The following KAZN variants were observed in gnomAD, a reference collection of about 807,000 sequenced individuals.
KAZN encodes kazrin.
KAZN carries 40 observed loss-of-function variants against 87.4 expected under a neutral mutation model. The ratio of observed to expected loss-of-function variants is 0.46; its 90% confidence interval spans 0.36 to 0.60. The LOEUF (loss-of-function observed/expected upper bound fraction) is 0.60, where lower values mean the gene tolerates loss of function less well. Among genes scored for constraint, KAZN ranks in the 20% least tolerant of loss-of-function variants. KAZN has a pLI of 0.00. For missense variants in KAZN, 898 were observed against 1,073.9 expected, an observed-to-expected ratio of 0.84 and a Z score of 2.29; for synonymous variants, 466 against 458.3, an observed-to-expected ratio of 1.02 and a Z score of -0.22.
At chr1:14,695,510 C>CTTTTTTTTTCTTTTTTTTTTTTTTTTTTT (rs1641545792) in intron 1 of KAZN, among the ~76,000 whole-genome samples, 1 of 85,048 alleles carries the variant, frequency 1.2e-5, no homozygotes, top group Non-Finnish European at 2.7e-5. Flanking sequence ...TACATTCCAT[C>CTTTTTTTTTCTTTTTTTTTTTTTTTTTTT]TTTTTTTTTT....
intron 1 of KAZN, among the ~76,000 whole-genome samples, chr1:14,739,660 T>A (rs1029123949): frequency 1.3e-5 from 2 of 151,428 alleles, no homozygotes; most frequent in Non-Finnish European, 3.0e-5. Flanking sequence ...CACCACCAAC[T>A]TCCCCTTTTT....
Position 15,067,097 on chromosome 1 carries a change from C to T in KAZN, c.1222+1344C>T, listed in dbSNP as rs10803344. ...GAGGGGCCTCCAGCAGCTTCTGTTC[C>T]TCCCTGCAGCTGTGTCTTTCTTGTC... On this transcript the variant is annotated intron_variant, in intron 8 of 14. Transcript: ENST00000376030. The T allele has an allele frequency of 0.02, 19,674 of 985,620 alleles. 2,808 individuals carry two copies. In the African/African-American group the frequency reaches 0.31, roughly 16 times the overall value. The allele number at this position is 985,620 out of a possible 1,614,324, so 61.1% of individuals were successfully genotyped here. A position where few individuals can be genotyped will look rare whatever the true frequency, so the allele number is the denominator to read the frequency against.
chr1:15,046,646 CCAGGCCCCAGGACAGGCCGGGG>C (rs1673577871), intron 4 of KAZN, among the ~76,000 whole-genome samples: 2 of 152,146 alleles, frequency 1.3e-5, no homozygotes, highest in African/African-American at 2.4e-5. Context: ...TTACTAAGGG[CCAGGCCCCAGGACAGGCCGGGG>C]CAGGATCCGT....
intron 2 of KAZN, among the ~76,000 whole-genome samples, chr1:14,444,008 G>C (rs570354005): frequency 7.9e-5 from 12 of 152,124 alleles, no homozygotes; most frequent in Admixed American, 3.3e-4. Context: ...TATAAAACAA[G>C]GAATCTGGCC....
chr1:14,451,129 T>C (rs1361562947), intron 2 of KAZN, among the ~76,000 whole-genome samples: 2 of 152,178 alleles, frequency 1.3e-5, no homozygotes, highest in African/African-American at 4.8e-5. Context: ...CTATACAGCA[T>C]GCAGAACCAC....
At chr1:14,968,360 C>T (rs559953599) in intron 2 of KAZN, among the ~76,000 whole-genome samples, 1 of 152,300 alleles carries the variant, frequency 6.6e-6, no homozygotes, top group South Asian at 2.1e-4. Context: ...GCTGTAAATA[C>T]AGATGAAACT....
At chr1:14,692,310 T>C (rs1572238167) in intron 1 of KAZN, 1 of 516,322 alleles carries the variant, frequency 1.9e-6, no homozygotes, top group African/African-American at 2.0e-5. Flanking sequence ...TTTAATGGCA[T>C]AATTTTCACC....
At chr1:14,812,399 G>A (rs1382943355) in intron 1 of KAZN, among the ~76,000 whole-genome samples, 9 of 152,272 alleles carry the variant, frequency 5.9e-5, no homozygotes, top group East Asian at 1.9e-4. Context: ...TCTTCAACTC[G>A]TCTTCAGTGG....
intron 2 of KAZN, among the ~76,000 whole-genome samples, chr1:14,314,008 G>C (rs913276677): frequency 6.6e-6 from 1 of 152,088 alleles, no homozygotes; most frequent in Non-Finnish European, 1.5e-5. Flanking sequence ...CTGGTAAGTG[G>C]GTGGCTGGGA....
chr1:13,948,638 A>G (rs74900133), intron 1 of KAZN, among the ~76,000 whole-genome samples: 15,882 of 152,116 alleles, frequency 0.1, 904 homozygotes, highest in Middle Eastern at 0.14. Flanking sequence ...TTTGAGATCC[A>G]GTGTTGGCTT....
chr1:14,081,809 G>A (rs2101591940), intron 1 of KAZN, among the ~76,000 whole-genome samples: 1 of 152,286 alleles, frequency 6.6e-6, no homozygotes, highest in East Asian at 1.9e-4. Context: ...CTGGAGTGCA[G>A]TGGTCCAATC....
chr1:15,065,851 T>TGTGCAAGCGAGCGTGGGTGCGC, intron 8 of KAZN, 98 bp downstream of exon 8: 1 of 1,562,842 alleles, frequency 6.4e-7, no homozygotes, highest in Non-Finnish European at 8.7e-7. Flanking sequence ...TGTGGGCGTG[T>TGTGCAAGCGAGCGTGGGTGCGC]GTGCAAGCGA....
At chr1:14,881,811 A>G (rs1653368743) in intron 1 of KAZN, among the ~76,000 whole-genome samples, 1 of 152,192 alleles carries the variant, frequency 6.6e-6, no homozygotes, top group African/African-American at 2.4e-5. Flanking sequence ...GGATAAGATT[A>G]CTATTTTCTG....
At chr1:14,524,889 C>T (rs1319689361) in intron 2 of KAZN, among the ~76,000 whole-genome samples, 1 of 152,172 alleles carries the variant, frequency 6.6e-6, no homozygotes, top group African/African-American at 2.4e-5. Context: ...AATCATCTAC[C>T]ATAAAGAAAA....
intron 2 of KAZN, among the ~76,000 whole-genome samples, chr1:15,017,024 G>A (rs1348361000): frequency 4.6e-5 from 7 of 151,980 alleles, no homozygotes; most frequent in African/African-American, 7.3e-5. Flanking sequence ...CTGGTTGGGC[G>A]CCGTGGCTTA....
At chr1:15,073,708 G>C (rs774586507) in intron 8 of KAZN, among the ~76,000 whole-genome samples, 2 of 152,192 alleles carry the variant, frequency 1.3e-5, no homozygotes, top group African/African-American at 4.8e-5. Flanking sequence ...GCAGAAGCAG[G>C]AGTCAAACCT....
intron 2 of KAZN, among the ~76,000 whole-genome samples, chr1:14,266,477 T>A (rs938356267): frequency 1.2e-4 from 19 of 152,366 alleles, no homozygotes; most frequent in African/African-American, 4.1e-4. Context: ...ATGGCATATT[T>A]GTACTCACAA....
At chr1:14,487,552 C>A (rs1405792262) in intron 2 of KAZN, among the ~76,000 whole-genome samples, 1 of 152,160 alleles carries the variant, frequency 6.6e-6, no homozygotes, top group African/African-American at 2.4e-5. Flanking sequence ...AAGAAATTAG[C>A]TAAGTAGGGG....
At chr1:14,209,772 C>T (rs1646815125) in intron 2 of KAZN, among the ~76,000 whole-genome samples, 1 of 152,144 alleles carries the variant, frequency 6.6e-6, no homozygotes, top group African/African-American at 2.4e-5. Context: ...TATTAATATG[C>T]ACCTGGCTAT....
Sources: allele counts gnomAD v4.1 joint callset (sites outside exome capture counted in the v4.1 genomes callset), GRCh38; gene constraint gnomAD v4.1.1; transcripts MANE v1.5; gene names NCBI Gene and HGNC (gene_info 2026-07-23, HGNC 2026-07-21).